Variants in PHC2 observed in about 807,000 individuals in gnomAD.
PHC2 encodes the protein polyhomeotic-like protein 2.
A neutral mutation model predicts 87.4 loss-of-function variants in PHC2; 29 were observed. The observed-to-expected ratio is 0.33, with a 90% CI of 0.25 to 0.45. The LOEUF (loss-of-function observed/expected upper bound fraction) is 0.45. Among genes scored for constraint, PHC2 ranks in the 20% least tolerant of loss-of-function variants. PHC2 has a pLI of 1.00. For synonymous variants in PHC2, 438 were observed against 461.7 expected, an observed-to-expected ratio of 0.95 and a Z score of 0.66; for missense variants, 857 against 1,136.7, an observed-to-expected ratio of 0.75 and a Z score of 3.54.
chr1:33,395,684 A>T (rs1649265824), intron 1 of PHC2, among the ~76,000 whole-genome samples: 1 of 152,202 alleles, frequency 6.6e-6, no homozygotes, highest in Non-Finnish European at 1.5e-5. Context: ...CTGTATACTT[A>T]TTTCAACTTT....
At chr1:33,366,136 T>G (rs1202700175) in intron 7 of PHC2, among the ~76,000 whole-genome samples, 1 of 152,268 alleles carries the variant, frequency 6.6e-6, no homozygotes, top group Non-Finnish European at 1.5e-5. Flanking sequence ...CTTGATGTAT[T>G]TTCTCAAGAA....
intron 9 of PHC2, chr1:33,345,565 G>A: frequency 1.0e-6 from 1 of 985,232 alleles, no homozygotes; most frequent in Non-Finnish European, 1.2e-6. Context: ...ATGAATCTCA[G>A]AGCAACGGTT....
In PHC2 at chr1:33,334,639, A is replaced by G. The variant is rs1646584955; in HGVS notation, c.1559-347T>C. 6.6e-6 allele frequency among the ~76,000 whole-genome samples: 1 copy of G among 152,256 alleles called. No homozygotes were observed. On this transcript the variant is annotated intron_variant, in intron 9 of 14. Transcript: ENST00000683057. The surrounding 1 kb of genome is among the most constrained non-coding windows in gnomAD (Gnocchi z 5.5). ...TTGGTCGATACTGATTTGAACAAATAAGGTTAATACTCAGTTTGAGGGAGA... is the reference window on the plus strand; with the variant it reads ...TTGGTCGATACTGATTTGAACAAATGAGGTTAATACTCAGTTTGAGGGAGA...
At chr1:33,420,023 G>A (rs557541454) in intron 1 of PHC2, among the ~76,000 whole-genome samples, 83 of 152,130 alleles carry the variant, frequency 5.5e-4, no homozygotes, top group Admixed American at 1.6e-3. Context: ...TCCTTATAAG[G>A]TAATATTTAC....
intron 1 of PHC2, among the ~76,000 whole-genome samples, chr1:33,381,708 A>G (rs1181308942): frequency 2.0e-5 from 3 of 150,928 alleles, no homozygotes; most frequent in African/African-American, 4.9e-5. Flanking sequence ...AGTCCGTGTC[A>G]AAGCATACTA....
intron 3 of PHC2, 69 bp downstream of exon 3, chr1:33,372,220 C>T (rs952616482): frequency 5.5e-6 from 8 of 1,445,146 alleles, no homozygotes; most frequent in Non-Finnish European, 7.4e-6. Flanking sequence ...GCGGTGCCTG[C>T]TTCCTCTCCC....
At chr1:33,362,680 C>G (rs1381462027) in intron 7 of PHC2, among the ~76,000 whole-genome samples, 1 of 152,248 alleles carries the variant, frequency 6.6e-6, no homozygotes, top group Non-Finnish European at 1.5e-5. Flanking sequence ...CAGATGGTCA[C>G]ACGCGCACAC....
At chr1:33,400,877 T>C (rs1302937062) in intron 1 of PHC2, among the ~76,000 whole-genome samples, 1 of 152,180 alleles carries the variant, frequency 6.6e-6, no homozygotes, top group East Asian at 1.9e-4. Flanking sequence ...AGCTGCCCTT[T>C]GTGTTAGTAA....
intron 7 of PHC2, among the ~76,000 whole-genome samples, chr1:33,359,538 T>C (rs946839463): frequency 2.0e-5 from 3 of 152,152 alleles, no homozygotes; most frequent in African/African-American, 7.2e-5. Flanking sequence ...CAACAAACAA[T>C]TTATTAAGCA....
intron 9 of PHC2, chr1:33,347,919 C>T: frequency 6.4e-6 from 1 of 155,820 alleles, no homozygotes; most frequent in Non-Finnish European, 1.4e-5. Flanking sequence ...AGAGAAATCA[C>T]CAGTGGAAAA....
chr1:33,378,763 C>T (rs1402537079), intron 1 of PHC2, among the ~76,000 whole-genome samples: 2 of 152,150 alleles, frequency 1.3e-5, no homozygotes, highest in African/African-American at 2.4e-5. Context: ...TGAGCTAGAA[C>T]AGAGGCTGTG....
intron 10 of PHC2, chr1:33,333,717 A>T (rs1445131363): frequency 4.2e-6 from 1 of 237,360 alleles, no homozygotes; most frequent in African/African-American, 2.4e-5. Context: ...AAGTTTTGCC[A>T]TTCAGAGGTT....
intron 1 of PHC2, among the ~76,000 whole-genome samples, chr1:33,413,380 A>G (rs895559322): frequency 6.6e-6 from 1 of 152,224 alleles, no homozygotes; most frequent in Non-Finnish European, 1.5e-5. Flanking sequence ...CTAACACTGA[A>G]GTATTGAAAT....
intron 9 of PHC2, among the ~76,000 whole-genome samples, chr1:33,337,162 G>C (rs574242138): frequency 9.2e-5 from 14 of 152,222 alleles, no homozygotes; most frequent in East Asian, 5.8e-4. Flanking sequence ...TGAGTCTAAT[G>C]AACTGCAGAT....
intron 2 of PHC2, among the ~76,000 whole-genome samples, chr1:33,374,205 A>C (rs556724591): frequency 6.6e-6 from 1 of 152,148 alleles, no homozygotes; most frequent in Non-Finnish European, 1.5e-5. Context: ...CCTCATGAGA[A>C]GATGTCAATG....
rs969605867 is a variant in PHC2 at position 33,431,044 on chromosome 1, C to CCTCGG, written c.-128_-124dup. 13 of 151,852 alleles carry CCTCGG rather than the reference C, an allele frequency of 8.6e-5. No homozygotes were observed. Among genetic ancestry groups the CCTCGG allele is most frequent in the Non-Finnish European group, 1.9e-4 (13 of 67,718 alleles). The allele number at this position is 151,852 out of a possible 1,614,324, so 9.4% of individuals were successfully genotyped here. A position where few individuals can be genotyped will look rare whatever the true frequency, so the allele number is the denominator to read the frequency against. Reference sequence around the variant, plus strand: ...CCGGGGGCCGCCCCTCAGCCCGCCCCCTCGGCTCGGCGCCGCGCACCCTGC... The same window carrying CCTCGG: ...CCGGGGGCCGCCCCTCAGCCCGCCCCCTCGGCTCGGCTCGGCGCCGCGCACCCTGC... On this transcript the variant is annotated 5_prime_UTR_variant, in exon 1 of 15. Transcript: ENST00000683057.
intron 1 of PHC2, among the ~76,000 whole-genome samples, chr1:33,398,529 C>A (rs1259567542): frequency 1.3e-5 from 2 of 152,098 alleles, no homozygotes; most frequent in African/African-American, 4.8e-5. Context: ...TCTCATTTAT[C>A]CTTTTCTTTA....
At chr1:33,429,377 T>TA (rs1251015035) in intron 1 of PHC2, among the ~76,000 whole-genome samples, 2 of 152,250 alleles carry the variant, frequency 1.3e-5, no homozygotes, top group Admixed American at 1.3e-4. Context: ...AAGCCATAGT[T>TA]ACAATAGAAA....
intron 4 of PHC2, 102 bp from the exon 5 acceptor site, chr1:33,370,687 T>C: frequency 9.0e-7 from 1 of 1,105,854 alleles, no homozygotes; most frequent in Non-Finnish European, 1.3e-6. Context: ...CCTTGGTTTA[T>C]TCAGCCTCCT....
Sources: gnomAD v4.1 joint callset for allele counts (sites outside exome capture counted in the v4.1 genomes callset) on GRCh38, gnomAD v4.1.1 for gene constraint, Gnocchi (gnomAD v3.1) non-coding constraint, MANE v1.5 for transcripts, NCBI Gene and HGNC (gene_info 2026-07-23, HGNC 2026-07-21) for gene names.